MXI1: variants seen among roughly 807,000 people sequenced by gnomAD.
MXI1 encodes max-interacting protein 1.
MXI1 carries 18 observed loss-of-function variants against 36.9 expected under a neutral mutation model. The ratio of observed to expected loss-of-function variants is 0.49; its 90% CI spans 0.34 to 0.72. MXI1 has a LOEUF of 0.72. Ranked by LOEUF, MXI1 falls within the 30% of genes least tolerant of loss-of-function variation. MXI1 has a pLI of 0.01. For synonymous variants in MXI1, 160 were observed against 146.7 expected (o/e 1.09, Z -0.65); for missense variants, 304 against 379.1 (o/e 0.80, Z 1.64).
At chr10:110,255,467 T>C (rs1010530766) in intron 3 of MXI1, among the ~76,000 whole-genome samples, 1 of 152,214 alleles carries the variant, frequency 6.6e-6, no homozygotes, top group Non-Finnish European at 1.5e-5. Flanking sequence ...TCAAGTCTTA[T>C]TATTTCAGAA....
chr10:110,209,560 C>G (rs1023782404), intron 1 of MXI1, among the ~76,000 whole-genome samples: 2 of 152,050 alleles, frequency 1.3e-5, no homozygotes, highest in African/African-American at 4.8e-5. Context: ...GCGTTCTTTT[C>G]TTTCTCTTCT....
chr10:110,246,706 G>C (rs1200936600), intron 3 of MXI1, among the ~76,000 whole-genome samples: 1 of 152,174 alleles, frequency 6.6e-6, no homozygotes, highest in Non-Finnish European at 1.5e-5. Context: ...AATGGCTCTA[G>C]TATTGAGTGA....
At chr10:110,243,131 T>TTAAA (rs200096889) in intron 2 of MXI1, among the ~76,000 whole-genome samples, 7,960 of 152,046 alleles carry the variant, frequency 0.052, 314 homozygotes, top group Middle Eastern at 0.15. Flanking sequence ...TAACAAAATT[T>TTAAA]TAAACACTTT....
intron 2 of MXI1, among the ~76,000 whole-genome samples, chr10:110,235,146 G>A (rs546387379): frequency 5.9e-5 from 9 of 152,070 alleles, no homozygotes; most frequent in African/African-American, 1.2e-4. Context: ...AGCGTTTCTT[G>A]CTATAGAAGA....
At chr10:110,255,694 C>T (rs1729275787) in intron 3 of MXI1, among the ~76,000 whole-genome samples, 1 of 152,110 alleles carries the variant, frequency 6.6e-6, no homozygotes, top group South Asian at 2.1e-4. Flanking sequence ...GAAAAGATAT[C>T]CTGTGCTCAT....
At chr10:110,284,795 G>GCTC (rs1554860457) in intron 5 of MXI1, 29 bp from the exon 6 acceptor site, 54 of 1,423,526 alleles carry the variant, frequency 3.8e-5, no homozygotes, top group Non-Finnish European at 4.9e-5. Flanking sequence ...GATAATTAAT[G>GCTC]TTCTTCTTTT....
At chr10:110,256,436 G>A (rs1354225750) in intron 3 of MXI1, among the ~76,000 whole-genome samples, 1 of 150,762 alleles carries the variant, frequency 6.6e-6, no homozygotes, top group East Asian at 2.0e-4. Flanking sequence ...AAACCCCATC[G>A]CTACTAAAAA....
At chr10:110,228,011 G>T in intron 1 of MXI1, 178 bp from the exon 2 acceptor site, 1 of 634,056 alleles carries the variant, frequency 1.6e-6, no homozygotes, top group South Asian at 2.0e-5. Context: ...AGCTGGTGGG[G>T]TGTCACAGGA....
intron 3 of MXI1, among the ~76,000 whole-genome samples, chr10:110,256,324 C>G (rs1856291684): frequency 6.6e-6 from 1 of 152,094 alleles, no homozygotes; most frequent in Non-Finnish European, 1.5e-5. Flanking sequence ...TCAAAGTGAG[C>G]TGGGCATGGT....
intron 3 of MXI1, 34 bp downstream of exon 3, chr10:110,244,891 G>C: frequency 6.2e-7 from 1 of 1,601,614 alleles, no homozygotes; most frequent in Non-Finnish European, 8.5e-7. Flanking sequence ...TTTCACTTAC[G>C]TTTAAAAGCA....
chr10:110,240,299 A>G (rs1158696718), intron 2 of MXI1, among the ~76,000 whole-genome samples: 1 of 152,072 alleles, frequency 6.6e-6, no homozygotes, highest in Admixed American at 6.6e-5. Context: ...ATACTTAGTC[A>G]TAAAGTATAC....
chr10:110,228,232 C>T lies in MXI1; in HGVS notation c.318C>T (p.Ser106=). The T allele has an allele frequency of 1.9e-6, 3 of 1,613,978 alleles. No homozygotes were observed. Among genetic ancestry groups the T allele is most frequent in the Non-Finnish European group, 1.7e-6 (2 of 1,179,926 alleles). ...GYASSFPSMP[S]PRLQHSKPPR... ...CCTCTTCATTCCCGTCCATGCCGAG[C>T]CCCCGACTGCAGCATTCAAAGCCCC... The change falls in exon 2 of 6, where the codon AGC becomes AGT. Residue 106 remains serine (S), a synonymous_variant. Coordinates refer to ENST00000332674, the MANE Select transcript of MXI1 (RefSeq NM_130439.3).
At chr10:110,277,115 T>G (rs905515935) in intron 3 of MXI1, among the ~76,000 whole-genome samples, 1 of 152,212 alleles carries the variant, frequency 6.6e-6, no homozygotes, top group African/African-American at 2.4e-5. Flanking sequence ...GTGCTGGGAT[T>G]ATAGGCATGA....
chr10:110,254,710 C>G (rs1590377602), intron 3 of MXI1, among the ~76,000 whole-genome samples: 1 of 152,218 alleles, frequency 6.6e-6, no homozygotes, highest in East Asian at 1.9e-4. Context: ...TTTTAGTAGT[C>G]TGTATAGAAA....
At chr10:110,221,400 T>C (rs1291457535) in intron 1 of MXI1, among the ~76,000 whole-genome samples, 1 of 152,190 alleles carries the variant, frequency 6.6e-6, no homozygotes, top group Non-Finnish European at 1.5e-5. Context: ...TGGGGAAATA[T>C]TCACTTGGCA....
chr10:110,223,629 T>TA (rs1408093938), intron 1 of MXI1, among the ~76,000 whole-genome samples: 1 of 151,970 alleles, frequency 6.6e-6, no homozygotes, highest in Non-Finnish European at 1.5e-5. Context: ...AACTAACAGA[T>TA]GTTCTAAATG....
intron 2 of MXI1, 21 bp from the exon 3 acceptor site, chr10:110,244,804 CTTT>C (rs199913141): frequency 7.8e-4 from 1,056 of 1,357,342 alleles, no homozygotes; most frequent in South Asian, 2.7e-3. Context: ...ATGGCTAATG[CTTT>C]TTTTTTTTTT....
intron 3 of MXI1, among the ~76,000 whole-genome samples, chr10:110,267,501 C>T (rs2079936790): frequency 6.6e-6 from 1 of 152,156 alleles, no homozygotes; most frequent in African/African-American, 2.4e-5. Flanking sequence ...CTTTTTCCAT[C>T]TTGATTCACT....
intron 2 of MXI1, among the ~76,000 whole-genome samples, chr10:110,241,151 A>C (rs747671400): frequency 3.9e-5 from 6 of 151,992 alleles, no homozygotes; most frequent in Non-Finnish European, 8.8e-5. Context: ...TAGGGAATAC[A>C]TTAGGATGCC....
Sources: allele counts gnomAD v4.1 joint callset (sites outside exome capture counted in the v4.1 genomes callset), GRCh38; gene constraint gnomAD v4.1.1; transcripts MANE v1.5; gene names NCBI Gene and HGNC (gene_info 2026-07-23, HGNC 2026-07-21).